Variants in SPIDR observed in about 807,000 individuals in gnomAD.
The protein encoded by SPIDR is scaffold protein involved in DNA repair.
SPIDR carries 93 observed loss-of-function variants against 104.6 expected under a neutral mutation model. That is an observed-to-expected ratio of 0.89 (90% confidence interval 0.75 to 1.06). The LOEUF (loss-of-function observed/expected upper bound fraction) is 1.06. Among genes scored for constraint, SPIDR ranks in the 50% least tolerant of loss-of-function variants. SPIDR has a pLI of 0.00. For synonymous variants in SPIDR, 431 were observed against 416.9 expected, an observed-to-expected ratio of 1.03 and a Z score of -0.41; for missense variants, 1,154 against 1,111.2, an observed-to-expected ratio of 1.04 and a Z score of -0.55.
intron 5 of SPIDR, among the ~76,000 whole-genome samples, chr8:47,355,783 A>C (rs1340113457): frequency 6.6e-6 from 1 of 152,242 alleles, no homozygotes; most frequent in Non-Finnish European, 1.5e-5. Context: ...AAGGACCTCT[A>C]AACACTATTA....
chr8:47,702,098 T>TACACACAC (rs3062665), intron 14 of SPIDR, 83 bp downstream of exon 14: 6 of 62,942 alleles, frequency 9.5e-5, no homozygotes, highest in African/African-American at 4.5e-4. Flanking sequence ...CTCTCTCTCT[T>TACACACAC]ACACACACAC....
chr8:47,646,926 A>C (rs568547837), intron 10 of SPIDR, among the ~76,000 whole-genome samples: 1 of 152,200 alleles, frequency 6.6e-6, no homozygotes, highest in Non-Finnish European at 1.5e-5. Flanking sequence ...TACAGCAATA[A>C]TGTTATACTC....
intron 7 of SPIDR, among the ~76,000 whole-genome samples, chr8:47,413,556 T>G (rs2063816708): frequency 6.6e-6 from 1 of 152,254 alleles, no homozygotes; most frequent in African/African-American, 2.4e-5. Context: ...GTAGCTGTCT[T>G]GAATTTTGCT....
chr8:47,322,856 C>T lies in SPIDR; in HGVS notation c.525+28826C>T, dbSNP rs1554597339. On this transcript the variant is annotated intron_variant, in intron 5 of 19. Coordinates refer to ENST00000297423, the MANE Select transcript of SPIDR (RefSeq NM_001080394.4). ...CAGAAGGACAAAAAACCAAACAGCG[C>T]ATGTTCTCACTCATAGGTGGGAATT... Among the ~76,000 whole-genome samples the T allele has an allele frequency of 6.6e-5, 10 of 151,992 alleles. No homozygotes were observed. In the South Asian group the frequency reaches 2.1e-3, roughly 32 times the overall value.
At position 47,521,551 on chromosome 8, in the gene SPIDR, G is replaced by C. The variant is rs534243202; in HGVS notation, c.1098-74260G>C. Among the ~76,000 whole-genome samples, 201 of 151,468 alleles carry C rather than the reference G, an allele frequency of 1.3e-3. 1 individual carries two copies. Among genetic ancestry groups the C allele is most frequent in the African/African-American group, 4.6e-3 (190 of 41,292 alleles). On this transcript the variant is annotated intron_variant, in intron 8 of 19. Transcript: ENST00000297423. ...CAATTCTCCTGCCTTAGCCTCCGGA[G>C]TAGCTGGGATTACAGGCACGCACCA...
chr8:47,523,733 TTAG>T (rs911495659), intron 8 of SPIDR, among the ~76,000 whole-genome samples: 4 of 152,194 alleles, frequency 2.6e-5, no homozygotes, highest in African/African-American at 9.7e-5. Flanking sequence ...TTTTTGTTTT[TTAG>T]TGGTAATAAC....
intron 7 of SPIDR, 55 bp downstream of exon 7, chr8:47,408,016 G>T: frequency 4.3e-6 from 4 of 936,076 alleles, no homozygotes; most frequent in Middle Eastern, 2.2e-4. Flanking sequence ...TTAGTTAAAA[G>T]AATTCTTACA....
At chr8:47,421,763 G>A (rs187046488) in intron 7 of SPIDR, among the ~76,000 whole-genome samples, 8 of 152,190 alleles carry the variant, frequency 5.3e-5, no homozygotes, top group Non-Finnish European at 8.8e-5. Flanking sequence ...GGTCTTTGAC[G>A]ATGGTGACGT....
chr8:47,478,178 A>C (rs965917417), intron 8 of SPIDR, among the ~76,000 whole-genome samples: 10 of 152,306 alleles, frequency 6.6e-5, no homozygotes, highest in African/African-American at 2.4e-4. Flanking sequence ...CGACAGAAAT[A>C]ATGTGAAGAA....
At chr8:47,380,548 C>G (rs2059207466) in intron 5 of SPIDR, among the ~76,000 whole-genome samples, 1 of 151,972 alleles carries the variant, frequency 6.6e-6, no homozygotes, top group Non-Finnish European at 1.5e-5. Context: ...TCGTGATTCC[C>G]CTCCCCTCTT....
At chr8:47,614,276 T>C (rs964393213) in intron 10 of SPIDR, among the ~76,000 whole-genome samples, 1 of 152,060 alleles carries the variant, frequency 6.6e-6, no homozygotes, top group Non-Finnish European at 1.5e-5. Flanking sequence ...TGGAGTGCAG[T>C]GGTGGCATGA....
intron 8 of SPIDR, among the ~76,000 whole-genome samples, chr8:47,529,318 T>C (rs1290092141): frequency 6.6e-6 from 1 of 152,010 alleles, no homozygotes; most frequent in Admixed American, 6.5e-5. Flanking sequence ...CTTGGGAGGC[T>C]GAAGCAGGAG....
intron 12 of SPIDR, among the ~76,000 whole-genome samples, chr8:47,701,422 T>C (rs902813841): frequency 4.6e-5 from 7 of 152,114 alleles, no homozygotes; most frequent in Admixed American, 6.5e-5. Context: ...AGTGCAACTC[T>C]GTCTCAAAAA....
intron 8 of SPIDR, among the ~76,000 whole-genome samples, chr8:47,489,105 A>G (rs2078215008): frequency 6.6e-6 from 1 of 152,234 alleles, no homozygotes; most frequent in Non-Finnish European, 1.5e-5. Context: ...AGAAAACCCC[A>G]TCGTCTCACC....
chr8:47,692,417 C>T (rs998092173), intron 11 of SPIDR, among the ~76,000 whole-genome samples: 1 of 151,706 alleles, frequency 6.6e-6, no homozygotes, highest in African/African-American at 2.4e-5. Context: ...ACAGATGTGA[C>T]CTTTGGTGTC....
At chr8:47,548,403 T>G (rs2089840117) in intron 8 of SPIDR, among the ~76,000 whole-genome samples, 1 of 152,216 alleles carries the variant, frequency 6.6e-6, no homozygotes, top group Non-Finnish European at 1.5e-5. Context: ...ATCCCATCAC[T>G]TTGGGAGGCC....
intron 5 of SPIDR, among the ~76,000 whole-genome samples, chr8:47,327,724 G>A (rs1199716507): frequency 6.6e-6 from 1 of 151,990 alleles, no homozygotes; most frequent in Non-Finnish European, 1.5e-5. Flanking sequence ...CACCATGCCT[G>A]GCTAATTTTT....
chr8:47,458,053 T>C (rs1207350659), intron 8 of SPIDR, among the ~76,000 whole-genome samples: 1 of 152,204 alleles, frequency 6.6e-6, no homozygotes, highest in Non-Finnish European at 1.5e-5. Context: ...TTCTTTTGGC[T>C]TAGTCTTGCT....
chr8:47,413,039 T>C (rs77822203), intron 7 of SPIDR, among the ~76,000 whole-genome samples: 2,118 of 152,326 alleles, frequency 0.014, 51 homozygotes, highest in African/African-American at 0.048. Flanking sequence ...TTCAACTGGA[T>C]ATAAATATTT....
Sources: allele counts gnomAD v4.1 joint callset (sites outside exome capture counted in the v4.1 genomes callset), GRCh38; gene constraint gnomAD v4.1.1; transcripts MANE v1.5; gene names NCBI Gene and HGNC (gene_info 2026-07-23, HGNC 2026-07-21).